Variants in WDR64 observed in about 807,000 individuals in gnomAD.
WDR64 encodes WD repeat domain 64, also known as WD repeat-containing protein 64.
In WDR64, 112 loss-of-function variants were observed where a neutral mutation model predicts 139.3. The observed-to-expected ratio is 0.80, with a 90% CI of 0.69 to 0.94. WDR64 has a LOEUF of 0.94. Among genes scored for constraint, WDR64 ranks in the 40% least tolerant of loss-of-function variants. The probability of loss-of-function intolerance (pLI) is 0.00; values close to 1 mark genes in which losing one functional copy is unlikely to be tolerated. For synonymous variants in WDR64, 444 were observed against 437.7 expected, an observed-to-expected ratio of 1.01 and a Z score of -0.18; for missense variants, 1,206 against 1,293.1, an observed-to-expected ratio of 0.93 and a Z score of 1.03.
At chr1:241,680,621 C>T (rs997704814) in intron 6 of WDR64, among the ~76,000 whole-genome samples, 1 of 152,198 alleles carries the variant, frequency 6.6e-6, no homozygotes, top group East Asian at 1.9e-4. Context: ...CCTACACCCT[C>T]TGGGGGTATC....
At chr1:241,659,871 G>A (rs571453123) in intron 1 of WDR64, among the ~76,000 whole-genome samples, 6 of 152,208 alleles carry the variant, frequency 3.9e-5, no homozygotes, top group African/African-American at 1.2e-4. Flanking sequence ...TGTTCACTCC[G>A]ATGATAGTTT....
intron 7 of WDR64, 85 bp downstream of exon 7, chr1:241,683,786 G>A (rs1002079270): frequency 5.4e-6 from 6 of 1,121,364 alleles, no homozygotes; most frequent in South Asian, 2.1e-5. Context: ...TGAAAAATGA[G>A]ATTTAAATTA....
intron 7 of WDR64, among the ~76,000 whole-genome samples, chr1:241,684,680 T>C (rs1666940882): frequency 6.6e-6 from 1 of 152,202 alleles, no homozygotes. Context: ...TCAAGTGCCT[T>C]CATAACCATT....
At position 241,703,460 on chromosome 1, in the gene WDR64, G is replaced by GTTT. The variant is rs35616829; in HGVS notation, c.975-8330_975-8328dup. ...TTTTGATAGGGGACTCTATCAAAAAGTTTTTTTTTTTTTTCTGTTTTGAAG... is the reference window on the plus strand; with the variant it reads ...TTTTGATAGGGGACTCTATCAAAAAGTTTTTTTTTTTTTTTTTCTGTTTTGAAG... On this transcript the variant is annotated intron_variant, in intron 8 of 27. Coordinates refer to ENST00000437684, the MANE Select transcript of WDR64 (RefSeq NM_001367482.1). This position sits in a 1 kb window ranked among gnomAD's most constrained non-coding sequence, Gnocchi z 5.9. Among the ~76,000 whole-genome samples, 5 of 143,972 alleles carry GTTT rather than the reference G, an allele frequency of 3.5e-5. No individual in the cohort carries two copies. The highest frequency in any genetic ancestry group is 3.0e-5 in the Non-Finnish European group (2 of 65,646). The allele number at this position is 143,972 out of a possible 152,430, so 94.5% of individuals were successfully genotyped here.
intron 27 of WDR64, 31 bp downstream of exon 27, chr1:241,796,401 C>A (rs556392615): frequency 1.4e-6 from 2 of 1,386,552 alleles, no homozygotes; most frequent in African/African-American, 1.4e-5. Context: ...CCGTTAACTC[C>A]AATTTCAGTG....
intron 23 of WDR64, among the ~76,000 whole-genome samples, chr1:241,785,957 G>A (rs1439652210): frequency 6.6e-6 from 1 of 152,166 alleles, no homozygotes; most frequent in Admixed American, 6.5e-5. Context: ...AGAGCTCCAT[G>A]CATAGCAGGA....
intron 20 of WDR64, among the ~76,000 whole-genome samples, chr1:241,774,755 A>G (rs945545751): frequency 6.6e-6 from 1 of 152,214 alleles, no homozygotes; most frequent in African/African-American, 2.4e-5. Flanking sequence ...GTTAAATTAA[A>G]AAAAAGAAAT....
intron 5 of WDR64, among the ~76,000 whole-genome samples, chr1:241,678,636 A>G (rs187948354): frequency 1.2e-4 from 19 of 152,288 alleles, no homozygotes; most frequent in African/African-American, 4.3e-4. Flanking sequence ...TTTGTGATTT[A>G]TTTAATCCAC....
intron 16 of WDR64, 60 bp downstream of exon 16, chr1:241,766,411 A>T: frequency 6.4e-7 from 1 of 1,554,186 alleles, no homozygotes; most frequent in Non-Finnish European, 8.7e-7. Context: ...GCTCAGTAGC[A>T]TGCAACACTC....
In WDR64 at chr1:241,790,815, C is replaced by G. The variant is rs192353666; in HGVS notation, c.2997+119C>G. 565 of 776,214 alleles carry G rather than the reference C, an allele frequency of 7.3e-4. 3 individuals are homozygous for G. Among genetic ancestry groups the G allele is most frequent in the Non-Finnish European group, 8.9e-4 (440 of 494,340 alleles). The allele number at this position is 776,214 out of a possible 1,614,324, so 48.1% of individuals were successfully genotyped here. A position where few individuals can be genotyped will look rare whatever the true frequency, so the allele number is the denominator to read the frequency against. On this transcript the variant is annotated intron_variant, in intron 25 of 27. Transcript: ENST00000437684. The stretch of plus-strand genomic sequence containing the variant: ...TATTAATTTTTTATTGATGGTATTA[C>G]AAATTACTATAAACTTGGTGGCTTA...
chr1:241,697,011 C>A (rs1283624197), intron 8 of WDR64, among the ~76,000 whole-genome samples: 1 of 152,122 alleles, frequency 6.6e-6, no homozygotes, highest in Non-Finnish European at 1.5e-5. Context: ...CTACTTTCTT[C>A]CCTTCCTATT....
chr1:241,747,122 A>C (rs1182231051), intron 13 of WDR64, among the ~76,000 whole-genome samples: 1 of 152,212 alleles, frequency 6.6e-6, no homozygotes. Flanking sequence ...TAGATAAGTA[A>C]AACAGAACAG....
At chr1:241,764,661 TA>T (rs1200393638) in intron 15 of WDR64, among the ~76,000 whole-genome samples, 1 of 151,998 alleles carries the variant, frequency 6.6e-6, no homozygotes, top group Non-Finnish European at 1.5e-5. Flanking sequence ...ATTCTGTCTC[TA>T]AAGAAATTTA....
intron 17 of WDR64, 51 bp from the exon 18 acceptor site, chr1:241,770,569 AT>A: frequency 6.8e-7 from 1 of 1,467,168 alleles, no homozygotes. Flanking sequence ...CCCTTTGAGT[AT>A]GGTAGCATAT....
intron 9 of WDR64, among the ~76,000 whole-genome samples, chr1:241,713,485 GAA>G (rs1260151084): frequency 1.6e-5 from 2 of 122,756 alleles, no homozygotes; most frequent in African/African-American, 6.2e-5. Flanking sequence ...GGAAGGGAAA[GAA>G]AGAAGGAACG....
In WDR64 at chr1:241,771,937, C is replaced by CATACAT. The variant is rs1303367682; in HGVS notation, c.2290+242_2290+247dup. The stretch of plus-strand genomic sequence containing the variant: ...ATACATATATACATACATATACATA[C>CATACAT]ATACATACATATATATATATATATA... On this transcript the variant is annotated intron_variant, in intron 19 of 27. Transcript: ENST00000437684. Among the ~76,000 whole-genome samples, 3 of 56,528 alleles carry CATACAT rather than the reference C, an allele frequency of 5.3e-5. No homozygotes were observed. The Admixed American group carries it at 6.9e-4, about 13-fold the overall frequency. 37.1% of individuals were successfully genotyped at this position (56,528 alleles called of 152,430 possible). A position where few individuals can be genotyped will look rare whatever the true frequency, so the allele number is the denominator to read the frequency against.
At chr1:241,653,842 G>A (rs1365351659) in intron 1 of WDR64, among the ~76,000 whole-genome samples, 1 of 152,152 alleles carries the variant, frequency 6.6e-6, no homozygotes, top group Non-Finnish European at 1.5e-5. Flanking sequence ...ACCGTGCCCG[G>A]CCAAAGTCAC....
At chr1:241,757,779 T>G (rs1245708866) in intron 15 of WDR64, among the ~76,000 whole-genome samples, 1 of 151,134 alleles carries the variant, frequency 6.6e-6, no homozygotes, top group Non-Finnish European at 1.5e-5. Flanking sequence ...ACACCGTGCC[T>G]GGCCCACCAA....
chr1:241,734,646 T>A (rs1669223013), intron 10 of WDR64, among the ~76,000 whole-genome samples: 1 of 151,566 alleles, frequency 6.6e-6, no homozygotes, highest in Non-Finnish European at 1.5e-5. Context: ...CATAAGACAT[T>A]GGGAAAAAAA....
Sources: allele counts gnomAD v4.1 joint callset (sites outside exome capture counted in the v4.1 genomes callset), GRCh38; gene constraint gnomAD v4.1.1; non-coding constraint Gnocchi (gnomAD v3.1); transcripts MANE v1.5; gene names NCBI Gene and HGNC (gene_info 2026-07-23, HGNC 2026-07-21).